Variants in PTPRR observed in about 807,000 individuals in gnomAD.
PTPRR encodes the protein protein tyrosine phosphatase receptor type R.
Under a neutral mutation model 77.2 loss-of-function variants are expected in PTPRR, and 38 were observed. The ratio of observed to expected loss-of-function variants is 0.49; its 90% CI spans 0.38 to 0.65. The LOEUF (loss-of-function observed/expected upper bound fraction) is 0.65. Ranked by LOEUF, PTPRR falls within the 30% of genes least tolerant of loss-of-function variation. The pLI, the probability that PTPRR is intolerant of heterozygous loss-of-function variation, is 0.00. For synonymous variants in PTPRR, 299 were observed against 283.1 expected, an observed-to-expected ratio of 1.06 and a Z score of -0.57; for missense variants, 744 against 799.2, an observed-to-expected ratio of 0.93 and a Z score of 0.83.
At position 70,866,086 on chromosome 12, in the gene PTPRR, A is replaced by G. The variant is rs960663805; in HGVS notation, c.357+26593T>C. 2.6e-5 allele frequency among the ~76,000 whole-genome samples: 4 copies of G among 152,156 alleles called. No individual in the cohort carries two copies. The East Asian group carries it at 7.7e-4, about 29-fold the overall frequency. On this transcript the variant is annotated intron_variant, in intron 2 of 13. Coordinates refer to ENST00000283228, the MANE Select transcript of PTPRR (RefSeq NM_002849.4). ...AAATGCCCACAAGAGAAAGCAGGAAAGATCCAAAATTGACACCCTAACATC... is the reference window on the plus strand; with the variant it reads ...AAATGCCCACAAGAGAAAGCAGGAAGGATCCAAAATTGACACCCTAACATC...
intron 2 of PTPRR, among the ~76,000 whole-genome samples, chr12:70,867,897 T>A (rs1048390111): frequency 2.6e-5 from 4 of 152,122 alleles, no homozygotes; most frequent in African/African-American, 9.7e-5. Flanking sequence ...TCTACAACCA[T>A]CTGATCTTTG....
chr12:70,684,499 G>A, intron 9 of PTPRR, among the ~76,000 whole-genome samples: 1 of 152,128 alleles, frequency 6.6e-6, no homozygotes, highest in East Asian at 1.9e-4. Flanking sequence ...ATAGAGCACT[G>A]TTGCCAGAGA....
intron 8 of PTPRR, among the ~76,000 whole-genome samples, chr12:70,686,954 C>T (rs1378330295): frequency 6.6e-6 from 1 of 152,088 alleles, no homozygotes; most frequent in African/African-American, 2.4e-5. Flanking sequence ...AATATAGGGA[C>T]CAATAAGGAG....
intron 2 of PTPRR, among the ~76,000 whole-genome samples, chr12:70,837,949 G>A (rs1425135400): frequency 6.6e-6 from 1 of 151,994 alleles, no homozygotes; most frequent in African/African-American, 2.4e-5. Flanking sequence ...AGATTCTAAG[G>A]ATCTTATGAG....
At position 70,701,148 on chromosome 12, in the gene PTPRR, T is replaced by C. The variant is rs780455452; in HGVS notation, c.1183A>G (p.Ser395Gly). The change falls in exon 7 of 14, where the codon AGT becomes GGT. Residue 395 changes from serine to glycine, a missense_variant. Ser to Gly is a moderately conservative substitution (Grantham distance 56). This residue lies in a region of PTPRR where 570 missense variants were observed against 573.2 expected (regional missense o/e 0.99). Coordinates refer to ENST00000283228, the MANE Select transcript of PTPRR (RefSeq NM_002849.4). ...AATAGAAGGCTCACCATGAATTCAC[T>C]TTGGAGTAAATGTGAACTTGCCACG... is the stretch of plus-strand genomic sequence containing the variant. ...DVVASSHLLQ[S>G]EFMEIPMNFV... is the part of the protein sequence containing the mutation. 173 of 1,613,738 alleles carry C rather than the reference T, an allele frequency of 1.1e-4. No homozygotes were observed. Among genetic ancestry groups the C allele is most frequent in the Non-Finnish European group, 1.4e-4 (163 of 1,179,870 alleles).
intron 3 of PTPRR, among the ~76,000 whole-genome samples, chr12:70,764,233 T>C (rs1890759635): frequency 6.6e-6 from 1 of 152,094 alleles, no homozygotes; most frequent in Non-Finnish European, 1.5e-5. Flanking sequence ...CCTGATATAC[T>C]TGAAAGTATA....
chr12:70,664,350 T>C (rs1025443502), intron 10 of PTPRR: 45 of 152,192 alleles, frequency 3.0e-4, no homozygotes, highest in African/African-American at 7.7e-4. Flanking sequence ...CCTGGTTTCT[T>C]TCAATGAAGC....
intron 6 of PTPRR, among the ~76,000 whole-genome samples, chr12:70,716,195 A>C (rs1030339683): frequency 2.6e-5 from 4 of 152,116 alleles, no homozygotes; most frequent in African/African-American, 9.7e-5. Context: ...TAACAGGATA[A>C]AATCATTAAA....
intron 2 of PTPRR, among the ~76,000 whole-genome samples, chr12:70,815,684 A>G (rs1207652968): frequency 6.6e-6 from 1 of 152,166 alleles, no homozygotes; most frequent in Non-Finnish European, 1.5e-5. Flanking sequence ...TGTGTTAAGC[A>G]TTTAGGTTGT....
At chr12:70,859,231 T>C (rs935605055) in intron 2 of PTPRR, among the ~76,000 whole-genome samples, 1 of 152,094 alleles carries the variant, frequency 6.6e-6, no homozygotes, top group Non-Finnish European at 1.5e-5. Flanking sequence ...TGCCAATGTT[T>C]GTCAACTCTA....
intron 2 of PTPRR, among the ~76,000 whole-genome samples, chr12:70,854,322 T>C (rs371574537): frequency 6.6e-6 from 1 of 152,312 alleles, no homozygotes; most frequent in Admixed American, 6.5e-5. Context: ...TTCCTGCCAA[T>C]GTACTAATTT....
intron 2 of PTPRR, among the ~76,000 whole-genome samples, chr12:70,820,782 CT>C (rs1181612407): frequency 6.6e-6 from 1 of 152,130 alleles, no homozygotes; most frequent in African/African-American, 2.4e-5. Context: ...CATTCTTTAC[CT>C]TTGAGTCCTT....
chr12:70,916,381 T>C (rs1400278320), intron 1 of PTPRR, among the ~76,000 whole-genome samples: 1 of 152,124 alleles, frequency 6.6e-6, no homozygotes, highest in African/African-American at 2.4e-5. Flanking sequence ...AGAAATAATG[T>C]GGAGAGAGAC....
intron 6 of PTPRR, among the ~76,000 whole-genome samples, chr12:70,720,000 C>A (rs182907536): frequency 6.6e-6 from 1 of 152,252 alleles, no homozygotes; most frequent in African/African-American, 2.4e-5. Flanking sequence ...GGCGCACAAG[C>A]GCCACCTGGA....
At chr12:70,681,233 C>T (rs749071614) in intron 10 of PTPRR, among the ~76,000 whole-genome samples, 13 of 152,168 alleles carry the variant, frequency 8.5e-5, no homozygotes, top group Admixed American at 1.3e-4. Context: ...ATGGTGGCTA[C>T]TGGCCCCTGG....
intron 6 of PTPRR, among the ~76,000 whole-genome samples, chr12:70,719,071 G>C (rs1471550159): frequency 6.6e-6 from 1 of 152,130 alleles, no homozygotes; most frequent in African/African-American, 2.4e-5. Flanking sequence ...CTGGAGTTCA[G>C]ATCCACACCT....
intron 2 of PTPRR, among the ~76,000 whole-genome samples, chr12:70,790,837 A>G (rs1891410217): frequency 1.3e-5 from 2 of 152,110 alleles, no homozygotes. Flanking sequence ...AGGAGACTCC[A>G]TCTCAAAAAC....
At chr12:70,719,124 C>T (rs557367501) in intron 6 of PTPRR, among the ~76,000 whole-genome samples, 3 of 152,218 alleles carry the variant, frequency 2.0e-5, no homozygotes, top group African/African-American at 4.8e-5. Context: ...AGTCAAAATA[C>T]GCTACGGAAA....
At chr12:70,754,086 C>A in intron 5 of PTPRR, 105 bp downstream of exon 5, 1 of 1,058,990 alleles carries the variant, frequency 9.4e-7, no homozygotes, top group East Asian at 2.6e-5. Flanking sequence ...TCATAGTCTT[C>A]CTTCTGCTCG....
Sources: gnomAD v4.1 joint callset for allele counts (sites outside exome capture counted in the v4.1 genomes callset) on GRCh38, gnomAD v4.1.1 for gene constraint, gnomAD v4.1.1 regional missense constraint, MANE v1.5 for transcripts, NCBI Gene and HGNC (gene_info 2026-07-23, HGNC 2026-07-21) for gene names.